Variants in PREX2 observed in about 807,000 individuals in gnomAD.
The protein encoded by PREX2 is phosphatidylinositol 3,4,5-trisphosphate-dependent Rac exchanger 2 protein.
Under a neutral mutation model 203.2 loss-of-function variants are expected in PREX2, and 107 were observed. That is an observed-to-expected ratio of 0.53 (90% CI 0.45 to 0.62). The LOEUF (loss-of-function observed/expected upper bound fraction) is 0.62, where lower values mean the gene tolerates loss of function less well. Ranked by LOEUF, PREX2 falls within the 20% of genes least tolerant of loss-of-function variation. The probability of loss-of-function intolerance (pLI) is 0.00; values close to 1 mark genes in which losing one functional copy is unlikely to be tolerated. For synonymous variants in PREX2, 672 were observed against 663.6 expected, an observed-to-expected ratio of 1.01 and a Z score of -0.19; for missense variants, 1,777 against 1,955.9, an observed-to-expected ratio of 0.91 and a Z score of 1.72.
intron 35 of PREX2, among the ~76,000 whole-genome samples, chr8:68,161,124 T>G (rs1464302365): frequency 6.6e-6 from 1 of 151,828 alleles, no homozygotes; most frequent in African/African-American, 2.4e-5. Context: ...GGACAGAGTC[T>G]CCCTTTGTTG....
intron 23 of PREX2, among the ~76,000 whole-genome samples, chr8:68,107,363 G>A (rs1181753877): frequency 2.0e-5 from 3 of 152,194 alleles, no homozygotes; most frequent in Non-Finnish European, 4.4e-5. Flanking sequence ...GAGAAGTTAG[G>A]TGAGGATCTG....
chr8:68,231,785 C>G lies in PREX2; in HGVS notation c.*407C>G, dbSNP rs1813175645. Reference sequence around the variant, plus strand: ...GGACACATGTAATAATGGAGAGTTCCTCTTGAAGAAGGCCATTATTGAAGA... The same window carrying G: ...GGACACATGTAATAATGGAGAGTTCGTCTTGAAGAAGGCCATTATTGAAGA... On this transcript the variant is annotated 3_prime_UTR_variant, in exon 40 of 40. Transcript: ENST00000288368. 5.8e-6 allele frequency: 1 copy of G among 173,804 alleles called. No individual in the cohort carries two copies. Among genetic ancestry groups the G allele is most frequent in the African/African-American group, 2.4e-5 (1 of 42,138 alleles). 10.8% of individuals were successfully genotyped at this position (173,804 alleles called of 1,614,324 possible).
intron 14 of PREX2, among the ~76,000 whole-genome samples, chr8:68,076,147 G>A (rs993979343): frequency 3.3e-5 from 5 of 152,132 alleles, no homozygotes; most frequent in African/African-American, 9.7e-5. Context: ...TTTTGGAACC[G>A]AGTTTCTGTG....
At position 68,053,180 on chromosome 8, in the gene PREX2, G is replaced by A. The variant is rs1419877039; in HGVS notation, c.1027G>A (p.Ala343Thr). 1.9e-6 allele frequency: 3 copies of A among 1,613,692 alleles called. No homozygotes were observed. The highest frequency in any genetic ancestry group is 2.2e-5 in the South Asian group (2 of 91,054). The change falls in exon 9 of 40, where the codon GCA becomes ACA. Residue 343 changes from alanine to threonine, a missense_variant. By Grantham distance (58) the Ala-to-Thr change is moderately conservative. Transcript: ENST00000288368. ...TAKNKWFVCM[A>T]KTPEEKHEWF... ...AAAAAATAAATGGTTTGTTTGTATG[G>A]CAAAAACACCTGAAGAGAAGCATGA...
At chr8:68,166,127 A>G (rs1811757386) in intron 35 of PREX2, among the ~76,000 whole-genome samples, 1 of 152,200 alleles carries the variant, frequency 6.6e-6, no homozygotes, top group South Asian at 2.1e-4. Context: ...TCATCTGTCT[A>G]AAGACAGAGA....
chr8:68,017,856 A>G lies in PREX2; in HGVS notation c.152A>G (p.His51Arg), dbSNP rs768947648. 6.2e-7 allele frequency: 1 copy of G among 1,612,334 alleles called. No homozygotes were observed. Among genetic ancestry groups the G allele is most frequent in the Non-Finnish European group, 8.5e-7 (1 of 1,178,824 alleles). Reference protein sequence around the residue: ...TLEFLVSAFLHRMNQCAASKV... With the variant: ...TLEFLVSAFLRRMNQCAASKV... ...TCTTGTTTCATGCAGGCATTCTTAC[A>G]CAGAATGAACCAGTGTGCAGCATCA... Residue 51 changes from histidine (H) to arginine (R), a missense_variant, in exon 2 of 40, where the codon CAC becomes CGC. By Grantham distance (29) the His-to-Arg change is conservative. Coordinates refer to ENST00000288368, the MANE Select transcript of PREX2 (RefSeq NM_024870.4).
intron 3 of PREX2, among the ~76,000 whole-genome samples, chr8:68,019,936 T>C (rs908572384): frequency 2.0e-5 from 3 of 152,254 alleles, no homozygotes; most frequent in African/African-American, 7.2e-5. Context: ...TGAATTCTAA[T>C]GAATATTCAG....
At chr8:68,204,902 C>CCTG (rs1213553044) in intron 37 of PREX2, among the ~76,000 whole-genome samples, 1 of 151,622 alleles carries the variant, frequency 6.6e-6, no homozygotes, top group Non-Finnish European at 1.5e-5. Context: ...AGGATGGTCT[C>CCTG]GATCTCCTGA....
intron 31 of PREX2, among the ~76,000 whole-genome samples, chr8:68,128,283 T>C (rs1267872695): frequency 6.6e-6 from 1 of 152,244 alleles, no homozygotes; most frequent in African/African-American, 2.4e-5. Flanking sequence ...GAAATTCTAT[T>C]ACATTAACTA....
rs186862518 is a variant in PREX2, at chr8:68,057,416, C to T, written c.1238+1442C>T. 3.3e-5 allele frequency among the ~76,000 whole-genome samples: 5 copies of T among 152,210 alleles called. 1 individual carries two copies. Among genetic ancestry groups the T allele is most frequent in the Admixed American group, 1.3e-4 (2 of 15,304 alleles). ...TTCTTTACAGCAGTATGAAAAAGGG[C>T]GAATACGCTCCCCAACCCCCAACTC... On this transcript the variant is annotated intron_variant, in intron 10 of 39. Coordinates refer to ENST00000288368, the MANE Select transcript of PREX2 (RefSeq NM_024870.4).
In PREX2 at chr8:68,117,124, G is replaced by A. The variant is rs544743406; in HGVS notation, c.3326+1192G>A. Among the ~76,000 whole-genome samples, 4 of 152,304 alleles carry A rather than the reference G, an allele frequency of 2.6e-5. No individual in the cohort carries two copies. In the South Asian group the frequency reaches 8.3e-4, roughly 32 times the overall value. ...TAAATAGTAATCAAAGTTCTCATCA[G>A]AGTATAACTAGCTACAAACTAGGAG... is the stretch of plus-strand genomic sequence containing the variant. On this transcript the variant is annotated intron_variant, in intron 26 of 39. Coordinates refer to ENST00000288368, the MANE Select transcript of PREX2 (RefSeq NM_024870.4).
intron 1 of PREX2, among the ~76,000 whole-genome samples, chr8:68,013,275 T>C (rs556630508): frequency 3.5e-4 from 54 of 152,342 alleles, no homozygotes; most frequent in Admixed American, 7.2e-4. Flanking sequence ...CTGTCTCCAA[T>C]GGACTGGGGC....
At position 68,217,580 on chromosome 8, in the gene PREX2, C is replaced by CCATG. The variant is rs1290763702; in HGVS notation, c.4605-35_4605-32dup. 19 of 1,489,390 alleles carry CCATG rather than the reference C, an allele frequency of 1.3e-5. No homozygotes were observed. The African/African-American group carries it at 1.5e-4, about 12-fold the overall frequency. The allele number at this position is 1,489,390 out of a possible 1,614,324, so 92.3% of individuals were successfully genotyped here. On this transcript the variant is annotated intron_variant, in intron 37 of 39. Transcript: ENST00000288368. ...ATCATCTCAAAGGGTGTATCAGGAA[C>CCATG]CATGGGGTCTGACTTGCCCTTGCCT...
At chr8:68,123,795 C>A (rs912556238) in intron 30 of PREX2, among the ~76,000 whole-genome samples, 2 of 151,570 alleles carry the variant, frequency 1.3e-5, no homozygotes, top group Non-Finnish European at 2.9e-5. Flanking sequence ...AAAAAAAAAG[C>A]CTGGAACCAG....
chr8:68,127,498 C>T lies in PREX2; in HGVS notation c.3766+79C>T. The T allele has an allele frequency of 4.5e-6, 4 of 888,910 alleles. No individual in the cohort carries two copies. In the South Asian group the frequency reaches 5.8e-5, roughly 13 times the overall value. 55.1% of individuals were successfully genotyped at this position (888,910 alleles called of 1,614,324 possible). Reference sequence around the variant, plus strand: ...TCATAAAGGCCTTGAAATTTGAGGACAACGCCTTCAACCATTTACAAAATA... The same window carrying T: ...TCATAAAGGCCTTGAAATTTGAGGATAACGCCTTCAACCATTTACAAAATA... On this transcript the variant is annotated intron_variant, in intron 31 of 39. Coordinates refer to ENST00000288368, the MANE Select transcript of PREX2 (RefSeq NM_024870.4).
chr8:68,189,483 C>G (rs1333775556), intron 35 of PREX2, among the ~76,000 whole-genome samples: 4 of 152,314 alleles, frequency 2.6e-5, no homozygotes, highest in South Asian at 4.1e-4. Flanking sequence ...CAGATTATAT[C>G]TCTTTCAGAT....
intron 5 of PREX2, among the ~76,000 whole-genome samples, chr8:68,028,472 T>A (rs904647402): frequency 6.6e-6 from 1 of 152,092 alleles, no homozygotes; most frequent in Non-Finnish European, 1.5e-5. Flanking sequence ...AAATGTTGAA[T>A]TTGAACTAAA....
chr8:68,229,130 CTT>C (rs1813117539), intron 39 of PREX2, among the ~76,000 whole-genome samples: 1 of 151,964 alleles, frequency 6.6e-6, no homozygotes. Flanking sequence ...TTTCACATAA[CTT>C]TTATTGTTGC....
At chr8:68,024,344 C>A (rs28761243) in intron 4 of PREX2, among the ~76,000 whole-genome samples, 2,167 of 151,822 alleles carry the variant, frequency 0.014, 39 homozygotes, top group African/African-American at 0.047. Context: ...TTTTTGTTTG[C>A]TGTATTTTGG....
Sources: allele counts gnomAD v4.1 joint callset (sites outside exome capture counted in the v4.1 genomes callset), GRCh38; gene constraint gnomAD v4.1.1; transcripts MANE v1.5; gene names NCBI Gene and HGNC (gene_info 2026-07-23, HGNC 2026-07-21).